The following VEPH1 variants were observed in gnomAD, a reference collection of about 807,000 sequenced individuals.
VEPH1 encodes ventricular zone-expressed PH domain-containing protein homolog 1.
VEPH1 carries 80 observed loss-of-function variants against 85.2 expected under a neutral mutation model. The observed-to-expected ratio is 0.94, with a 90% CI of 0.78 to 1.13. The LOEUF is 1.13. Among genes scored for constraint, VEPH1 ranks in the 50% most tolerant of loss-of-function variants. The pLI, the probability that VEPH1 is intolerant of heterozygous loss-of-function variation, is 0.00. For missense variants in VEPH1, 955 were observed against 980.5 expected, an observed-to-expected ratio of 0.97 and a Z score of 0.35; for synonymous variants, 297 against 348.0, an observed-to-expected ratio of 0.85 and a Z score of 1.63.
At chr3:157,453,078 A>T (rs1162230306) in intron 4 of VEPH1, among the ~76,000 whole-genome samples, 1 of 152,202 alleles carries the variant, frequency 6.6e-6, no homozygotes, top group Non-Finnish European at 1.5e-5. Flanking sequence ...AAGAGAAAAA[A>T]AGAGGCTGGA....
At chr3:157,290,346 C>G (rs1228839960) in intron 11 of VEPH1, among the ~76,000 whole-genome samples, 1 of 152,140 alleles carries the variant, frequency 6.6e-6, no homozygotes, top group African/African-American at 2.4e-5. Flanking sequence ...TTGACTGTAG[C>G]CCTGTGAGAC....
At chr3:157,420,751 G>A (rs746683777) in intron 5 of VEPH1, among the ~76,000 whole-genome samples, 10 of 152,064 alleles carry the variant, frequency 6.6e-5, no homozygotes, top group Non-Finnish European at 2.9e-5. Context: ...TCTCCTCTAG[G>A]GAACAGATCA....
intron 7 of VEPH1, among the ~76,000 whole-genome samples, chr3:157,373,819 G>A (rs1203507824): frequency 6.6e-6 from 1 of 152,074 alleles, no homozygotes; most frequent in East Asian, 1.9e-4. Context: ...TACAGAAAAT[G>A]GACCTGGTTC....
intron 9 of VEPH1, among the ~76,000 whole-genome samples, chr3:157,328,778 T>C (rs1416125975): frequency 1.3e-5 from 2 of 152,346 alleles, no homozygotes; most frequent in East Asian, 1.9e-4. Context: ...CAAAGCTTCG[T>C]GGCAGGAAGA....
intron 2 of VEPH1, among the ~76,000 whole-genome samples, chr3:157,486,205 G>C (rs1738626194): frequency 6.6e-6 from 1 of 151,970 alleles, no homozygotes; most frequent in South Asian, 2.1e-4. Flanking sequence ...AACATTTAAA[G>C]AGGCAGCATA....
At chr3:157,369,191 A>AAAAAAAAAAAAAAAC (rs1577469463) in intron 7 of VEPH1, among the ~76,000 whole-genome samples, 1 of 145,088 alleles carries the variant, frequency 6.9e-6, no homozygotes, top group Non-Finnish European at 1.5e-5. Flanking sequence ...AAAAAAAAAA[A>AAAAAAAAAAAAAAAC]AAAAAAAAAA....
intron 4 of VEPH1, among the ~76,000 whole-genome samples, chr3:157,458,366 T>C (rs1025738376): frequency 3.3e-5 from 5 of 152,214 alleles, no homozygotes; most frequent in Admixed American, 1.3e-4. Context: ...TTCTGCTAGC[T>C]TTGGACTTGG....
chr3:157,458,043 C>T (rs556813401), intron 4 of VEPH1, among the ~76,000 whole-genome samples: 7 of 152,264 alleles, frequency 4.6e-5, no homozygotes, highest in African/African-American at 1.7e-4. Context: ...AATTTCAGAG[C>T]TCATTATTGG....
chr3:157,345,637 C>G (rs988465869), intron 9 of VEPH1, among the ~76,000 whole-genome samples: 2 of 152,174 alleles, frequency 1.3e-5, no homozygotes, highest in African/African-American at 4.8e-5. Context: ...CCTCAAGGAT[C>G]TAGAACTAGA....
intron 2 of VEPH1, among the ~76,000 whole-genome samples, chr3:157,486,987 T>C (rs1359682650): frequency 2.0e-5 from 3 of 152,138 alleles, no homozygotes; most frequent in East Asian, 1.9e-4. Flanking sequence ...TAAAAACATA[T>C]CTCAAAACTT....
At position 157,286,631 on chromosome 3, in the gene VEPH1, A is replaced by C. The variant is rs926894744; in HGVS notation, c.2054T>G (p.Phe685Cys). The C allele has an allele frequency of 1.2e-6, 2 of 1,614,140 alleles. No homozygotes were observed. The highest frequency in any genetic ancestry group is 1.7e-4 in the Middle Eastern group (1 of 6,060). The part of the protein sequence containing the change: ...VQLHLEEVRF[F>C]DVFGFSETAG... ...TGTTTCACTGAAGCCAAACACGTCA[A>C]AGAACCTCACTTCTTCCAGATGGAG... is the stretch of plus-strand genomic sequence containing the variant. The change falls in exon 12 of 14, where the codon TTT becomes TGT. Residue 685 changes from phenylalanine to cysteine, a missense_variant. Phe to Cys is a radical substitution (Grantham distance 205). Transcript: ENST00000362010.
At chr3:157,380,191 C>T (rs1020431391) in intron 7 of VEPH1, among the ~76,000 whole-genome samples, 1 of 152,208 alleles carries the variant, frequency 6.6e-6, no homozygotes, top group Non-Finnish European at 1.5e-5. Flanking sequence ...TCACCTCAAT[C>T]GTCAATAATT....
chr3:157,482,518 C>G (rs1459296653), intron 2 of VEPH1, among the ~76,000 whole-genome samples: 6 of 152,114 alleles, frequency 3.9e-5, no homozygotes, highest in Admixed American at 2.0e-4. Context: ...CCACCCACGC[C>G]CAGCTGATGT....
intron 3 of VEPH1, among the ~76,000 whole-genome samples, chr3:157,461,224 A>G (rs551033879): frequency 6.6e-6 from 1 of 152,348 alleles, no homozygotes; most frequent in South Asian, 2.1e-4. Flanking sequence ...CAAATTAGGG[A>G]ATAATATTTA....
At chr3:157,341,006 C>T (rs754768633) in intron 9 of VEPH1, among the ~76,000 whole-genome samples, 45 of 152,190 alleles carry the variant, frequency 3.0e-4, no homozygotes, top group Non-Finnish European at 5.6e-4. Flanking sequence ...AGGACATCCA[C>T]ACCAAAACCC....
intron 11 of VEPH1, among the ~76,000 whole-genome samples, chr3:157,298,207 C>CA (rs1718361816): frequency 6.6e-6 from 1 of 152,212 alleles, no homozygotes; most frequent in Non-Finnish European, 1.5e-5. Context: ...ACCTTCTTAA[C>CA]AACCCTATGA....
chr3:157,344,371 T>C (rs1227728219), intron 9 of VEPH1, among the ~76,000 whole-genome samples: 1 of 152,106 alleles, frequency 6.6e-6, no homozygotes, highest in African/African-American at 2.4e-5. Flanking sequence ...ACAAGCATTC[T>C]TATACACCAA....
intron 6 of VEPH1, 25 bp from the exon 7 acceptor site, chr3:157,381,401 G>C: frequency 6.2e-7 from 1 of 1,610,502 alleles, no homozygotes; most frequent in East Asian, 2.2e-5. Flanking sequence ...GAAGAAAATA[G>C]GTTTATCTTT....
intron 4 of VEPH1, chr3:157,438,020 AGCGCGCGC>A (rs113324549): frequency 6.6e-5 from 55 of 836,908 alleles, no homozygotes; most frequent in African/African-American, 5.9e-4. Flanking sequence ...TTTCATGGGA[AGCGCGCGC>A]GCGCGCGCGC....
Sources: gnomAD v4.1 joint callset for allele counts (sites outside exome capture counted in the v4.1 genomes callset) on GRCh38, gnomAD v4.1.1 for gene constraint, MANE v1.5 for transcripts, NCBI Gene and HGNC (gene_info 2026-07-23, HGNC 2026-07-21) for gene names.